Variants in PRSS3 observed in about 807,000 individuals in gnomAD.
PRSS3 encodes the protein trypsin-3.
In PRSS3, 14 loss-of-function variants were observed where a neutral mutation model predicts 20.8. That is an observed-to-expected ratio of 0.67 (90% CI 0.44 to 1.05). The LOEUF (loss-of-function observed/expected upper bound fraction) is 1.05. Ranked by LOEUF, PRSS3 falls within the 50% of genes least tolerant of loss-of-function variation. The probability of loss-of-function intolerance (pLI) is 0.00; values close to 1 mark genes in which losing one functional copy is unlikely to be tolerated. For synonymous variants in PRSS3, 91 were observed against 117.6 expected (o/e 0.77, Z 1.46); for missense variants, 237 against 306.4 (o/e 0.77, Z 1.69).
At chr9:33,794,679 G>C (rs187260185), upstream of PRSS3, 510 of 1,471,908 alleles carry the variant, frequency 3.5e-4, 2 homozygotes, top group East Asian at 9.9e-3. Flanking sequence ...CTGATCAGGG[G>C]CATGTCATTC....
At chr9:33,791,514 T>C (rs1824628544), upstream of PRSS3, among the ~76,000 whole-genome samples, 1 of 152,246 alleles carries the variant, frequency 6.6e-6, no homozygotes, top group South Asian at 2.1e-4. Context: ...AATTTAGAGC[T>C]AGTATAATTT....
intron 1 of PRSS3, among the ~76,000 whole-genome samples, chr9:33,761,143 G>A (rs1035701010): frequency 2.0e-5 from 3 of 152,230 alleles, no homozygotes; most frequent in Non-Finnish European, 1.5e-5. Context: ...GAAATGGGTT[G>A]TTAGGCGATT....
At chr9:33,754,772 A>C (rs373855886) in intron 1 of PRSS3, among the ~76,000 whole-genome samples, 1 of 152,300 alleles carries the variant, frequency 6.6e-6, no homozygotes, top group African/African-American at 2.4e-5. Flanking sequence ...CAGAGGTTGC[A>C]GTGAGCCGAA....
upstream of PRSS3, among the ~76,000 whole-genome samples, chr9:33,794,162 CT>C (rs1348349497): frequency 6.6e-6 from 1 of 152,210 alleles, no homozygotes; most frequent in Non-Finnish European, 1.5e-5. Flanking sequence ...CTCTAGCCCC[CT>C]GGCCATGTCC....
intron 1 of PRSS3, among the ~76,000 whole-genome samples, chr9:33,762,628 C>T (rs934757074): frequency 7.9e-5 from 12 of 152,174 alleles, no homozygotes; most frequent in African/African-American, 2.9e-4. Context: ...TGTACAAAAA[C>T]GATGAAAATA....
intron 1 of PRSS3, among the ~76,000 whole-genome samples, chr9:33,760,520 G>T (rs924331017): frequency 6.6e-6 from 1 of 152,062 alleles, no homozygotes; most frequent in Non-Finnish European, 1.5e-5. Context: ...GCCGACGCTG[G>T]TGGATCATGA....
chr9:33,757,995 C>T (rs1429398585), intron 1 of PRSS3, among the ~76,000 whole-genome samples: 1 of 152,212 alleles, frequency 6.6e-6, no homozygotes, highest in Non-Finnish European at 1.5e-5. Flanking sequence ...CTAATTATTT[C>T]TTAGGTTATC....
rs184595830 is a variant in PRSS3, at chr9:33,774,921, G to A, written c.-52-19825G>A. Among the ~76,000 whole-genome samples, 446 of 152,216 alleles carry A rather than the reference G, an allele frequency of 2.9e-3. 2 individuals are homozygous for A. The highest frequency in any genetic ancestry group is 0.01 in the African/African-American group (431 of 41,542). ...GAATCGCTTGAATCTGGGAGGCAGA[G>A]GTTGCAGTGAGCCAAGATTGCACCA... On this transcript the variant is annotated intron_variant, in intron 1 of 5. Coordinates refer to the PRSS3 transcript ENST00000342836.
In PRSS3 at chr9:33,798,674, C is replaced by T. The variant is rs373057265; in HGVS notation, c.591+52C>T. 1.7e-4 allele frequency: 274 copies of T among 1,612,790 alleles called. 2 individuals are homozygous for T. In the African/African-American group the frequency reaches 2.3e-3, roughly 13 times the overall value. On this transcript the variant is annotated intron_variant, in intron 4 of 4. Coordinates refer to ENST00000379405, the MANE Select transcript of PRSS3 (RefSeq NM_002771.4). ...GCTCCCACCGATACCCAGGCCCCAC[C>T]GGGGAAAAAGATTTGAACTCCCAAG... is the stretch of plus-strand genomic sequence containing the variant.
intron 1 of PRSS3, among the ~76,000 whole-genome samples, chr9:33,775,998 C>T (rs1823906776): frequency 6.6e-6 from 1 of 152,086 alleles, no homozygotes; most frequent in Non-Finnish European, 1.5e-5. Context: ...GCCACTGCAC[C>T]CAGCCTCAGA....
intron 1 of PRSS3, among the ~76,000 whole-genome samples, chr9:33,778,727 A>G (rs931259498): frequency 6.6e-6 from 1 of 152,224 alleles, no homozygotes; most frequent in Non-Finnish European, 1.5e-5. Context: ...CCTCTGCCTC[A>G]GGAGTCCCCT....
chr9:33,779,809 C>T (rs1405344363), intron 1 of PRSS3, among the ~76,000 whole-genome samples: 3 of 119,902 alleles, frequency 2.5e-5, no homozygotes, highest in Non-Finnish European at 4.8e-5. Context: ...GTGGAGCTTG[C>T]GGTGAGCCGA....
At chr9:33,758,682 A>G (rs1384798529) in intron 1 of PRSS3, among the ~76,000 whole-genome samples, 1 of 152,176 alleles carries the variant, frequency 6.6e-6, no homozygotes. Flanking sequence ...ATTCGCACAT[A>G]TGCTAGTCTG....
chr9:33,764,879 C>G (rs542142527), intron 1 of PRSS3, among the ~76,000 whole-genome samples: 2,841 of 152,242 alleles, frequency 0.019, 90 homozygotes, highest in African/African-American at 0.064. Context: ...AGGCATTTCT[C>G]CATGTGCCCA....
chr9:33,795,477 A>C, upstream of PRSS3: 2 of 1,485,356 alleles, frequency 1.3e-6, no homozygotes, highest in Non-Finnish European at 1.9e-6. Context: ...TGTGCTGGGA[A>C]GAACTGTGAC....
At chr9:33,786,328 G>C in intron 1 of PRSS3, 1 of 585,938 alleles carries the variant, frequency 1.7e-6, no homozygotes, top group Non-Finnish European at 3.0e-6. Context: ...TTCCTCTCCG[G>C]AGAGTCTGAA....
chr9:33,771,033 C>T (rs1823664411), intron 1 of PRSS3, among the ~76,000 whole-genome samples: 1 of 152,114 alleles, frequency 6.6e-6, no homozygotes, highest in Non-Finnish European at 1.5e-5. Flanking sequence ...TGCTGGACAC[C>T]CTGCAATGCA....
intron 1 of PRSS3, among the ~76,000 whole-genome samples, chr9:33,774,855 G>A (rs998510093): frequency 6.6e-6 from 1 of 151,538 alleles, no homozygotes; most frequent in African/African-American, 2.4e-5. Context: ...GCATGGTGGC[G>A]CACGCCTGTA....
At chr9:33,774,622 T>G (rs1823840698) in intron 1 of PRSS3, among the ~76,000 whole-genome samples, 2 of 152,134 alleles carry the variant, frequency 1.3e-5, no homozygotes, top group African/African-American at 4.8e-5. Flanking sequence ...TATAACGAGC[T>G]TGATATTGAA....
Sources: gnomAD v4.1 joint callset for allele counts (sites outside exome capture counted in the v4.1 genomes callset) on GRCh38, gnomAD v4.1.1 for gene constraint, MANE v1.5 for transcripts, NCBI Gene and HGNC (gene_info 2026-07-23, HGNC 2026-07-21) for gene names.